RIOK3: variants seen among roughly 807,000 people sequenced by gnomAD.
RIOK3 encodes the protein RIO kinase 3.
A neutral mutation model predicts 63.5 loss-of-function variants in RIOK3; 40 were observed. That is an observed-to-expected ratio of 0.63 (90% CI 0.49 to 0.82). RIOK3 has a LOEUF of 0.82. Among genes scored for constraint, RIOK3 ranks in the 40% least tolerant of loss-of-function variants. The probability of loss-of-function intolerance (pLI) is 0.00; values close to 1 mark genes in which losing one functional copy is unlikely to be tolerated. For missense variants in RIOK3, 557 were observed against 637.0 expected, an observed-to-expected ratio of 0.87 and a Z score of 1.35; for synonymous variants, 193 against 205.0, an observed-to-expected ratio of 0.94 and a Z score of 0.50.
Position 23,477,155 on chromosome 18 carries a change from AGTTCAT to A in RIOK3, c.1255-19_1255-14del. On this transcript the variant is annotated intron_variant, in intron 10 of 12. Coordinates refer to ENST00000339486, the MANE Select transcript of RIOK3 (RefSeq NM_003831.5). Reference sequence around the variant, plus strand: ...GTAAAATTTAAAATGTAAATACATCAGTTCATGTTCTGTATTGAAATAGGTCTGGTT... The same window carrying A: ...GTAAAATTTAAAATGTAAATACATCAGTTCTGTATTGAAATAGGTCTGGTT... 1 of 1,611,980 alleles carries A rather than the reference AGTTCAT, an allele frequency of 6.2e-7. No individual in the cohort carries two copies. The highest frequency in any genetic ancestry group is 8.5e-7 in the Non-Finnish European group (1 of 1,178,004).
chr18:23,474,327 A>G (rs2057475253), intron 8 of RIOK3, among the ~76,000 whole-genome samples: 1 of 152,132 alleles, frequency 6.6e-6, no homozygotes, highest in Non-Finnish European at 1.5e-5. Context: ...TAGGAGTTCA[A>G]AACCAGCCTG....
intron 1 of RIOK3, among the ~76,000 whole-genome samples, chr18:23,460,679 G>A (rs1037822314): frequency 6.6e-6 from 1 of 152,180 alleles, no homozygotes; most frequent in African/African-American, 2.4e-5. Context: ...CTGCCTTTTG[G>A]AACCTGGACT....
chr18:23,468,769 A>C (rs2057427992), intron 7 of RIOK3, among the ~76,000 whole-genome samples: 1 of 152,194 alleles, frequency 6.6e-6, no homozygotes, highest in Non-Finnish European at 1.5e-5. Flanking sequence ...TGTGGTACAT[A>C]ATAAATTGCC....
intron 9 of RIOK3, 30 bp downstream of exon 9, chr18:23,475,137 A>G (rs2057481228): frequency 1.3e-6 from 2 of 1,535,230 alleles, no homozygotes; most frequent in African/African-American, 2.8e-5. Context: ...GAATTCACAC[A>G]CTACCTTTAA....
At chr18:23,468,063 C>T (rs973576218) in intron 7 of RIOK3, among the ~76,000 whole-genome samples, 6 of 152,158 alleles carry the variant, frequency 3.9e-5, no homozygotes, top group Non-Finnish European at 5.9e-5. Context: ...CAGGCGTGAG[C>T]CACTGCTTCC....
rs760617642 is a variant in RIOK3, at chr18:23,453,437, C to A, written c.-3C>A. 9 of 1,613,238 alleles carry A rather than the reference C, an allele frequency of 5.6e-6. No homozygotes were observed. The highest frequency in any genetic ancestry group is 7.6e-6 in the Non-Finnish European group (9 of 1,179,378). On this transcript the variant is annotated 5_prime_UTR_variant, in exon 1 of 13. Coordinates refer to ENST00000339486, the MANE Select transcript of RIOK3 (RefSeq NM_003831.5). ...CTGTTCTTGTCTCTGCCTTCATTCC[C>A]GAATGGATCTGGTAGGAGTGGCATC...
intron 6 of RIOK3, among the ~76,000 whole-genome samples, chr18:23,467,025 A>G (rs2057413324): frequency 6.6e-6 from 1 of 151,878 alleles, no homozygotes. Context: ...AAAAAAAAAA[A>G]AGATATTAGG....
intron 1 of RIOK3, among the ~76,000 whole-genome samples, chr18:23,461,083 T>C (rs565115274): frequency 6.6e-6 from 1 of 152,318 alleles, no homozygotes; most frequent in South Asian, 2.1e-4. Flanking sequence ...ATTTGTCGCC[T>C]TTAGGTGCTC....
intron 7 of RIOK3, among the ~76,000 whole-genome samples, chr18:23,467,970 G>T (rs2057421302): frequency 6.6e-6 from 1 of 151,698 alleles, no homozygotes. Flanking sequence ...TAGAGACAGG[G>T]TTTCGCCATG....
At position 23,453,473 on chromosome 18, in the gene RIOK3, G is replaced by T; in HGVS notation, c.34G>T (p.Gly12Trp). 2 of 1,613,782 alleles carry T rather than the reference G, an allele frequency of 1.2e-6. No individual in the cohort carries two copies. The highest frequency in any genetic ancestry group is 1.7e-6 in the Non-Finnish European group (2 of 1,179,826). ...DLVGVASPEPGTAAAWGPSKC... is the reference protein window; with the variant it reads ...DLVGVASPEPWTAAAWGPSKC... ...GGTAGGAGTGGCATCGCCTGAGCCCGGGACGGCAGCGGCCTGGGGACCCAG... is the reference window on the plus strand; with the variant it reads ...GGTAGGAGTGGCATCGCCTGAGCCCTGGACGGCAGCGGCCTGGGGACCCAG... Residue 12 changes from glycine to tryptophan, a missense_variant, in exon 1 of 13, where the codon GGG becomes TGG. By Grantham distance (184) the Gly-to-Trp change is radical. Around this residue, in one of 3 missense-constraint regions of RIOK3, gnomAD observed 243 missense variants for 275.4 expected, o/e 0.88. Coordinates refer to ENST00000339486, the MANE Select transcript of RIOK3 (RefSeq NM_003831.5).
At chr18:23,456,244 ACTT>A (rs1307361381) in intron 1 of RIOK3, 1 of 152,204 alleles carries the variant, frequency 6.6e-6, no homozygotes, top group Non-Finnish European at 1.5e-5. Flanking sequence ...CCCAGCCCGG[ACTT>A]CTTTATACTC....
chr18:23,482,162 CA>C lies in RIOK3; in HGVS notation c.*884del, dbSNP rs1439030435. The stretch of plus-strand genomic sequence containing the variant: ...TAGAACTGTGTACTTGATTGATTTT[CA>C]GAGAAATATCACAAATTAGAAATAT... On this transcript the variant is annotated 3_prime_UTR_variant, in exon 13 of 13. Coordinates refer to ENST00000339486, the MANE Select transcript of RIOK3 (RefSeq NM_003831.5). The C allele has an allele frequency of 1.3e-5, 2 of 152,066 alleles. No individual in the cohort carries two copies. The highest frequency in any genetic ancestry group is 1.3e-4 in the Admixed American group (2 of 15,246). 9.4% of individuals were successfully genotyped at this position (152,066 alleles called of 1,614,324 possible).
In RIOK3 at chr18:23,482,204, A is replaced by G. The variant is rs1415495339; in HGVS notation, c.*925A>G. On this transcript the variant is annotated 3_prime_UTR_variant, in exon 13 of 13. Transcript: ENST00000339486. ...TTAGAAATATTAAATCTAAGGATGAAAGGTATATATAAAACAATTTGGGGG... is the reference window on the plus strand; with the variant it reads ...TTAGAAATATTAAATCTAAGGATGAGAGGTATATATAAAACAATTTGGGGG... The G allele has an allele frequency of 1.3e-5, 2 of 152,162 alleles. No individual in the cohort carries two copies. Among genetic ancestry groups the G allele is most frequent in the Non-Finnish European group, 2.9e-5 (2 of 68,030 alleles). 9.4% of individuals were successfully genotyped at this position (152,162 alleles called of 1,614,324 possible).
chr18:23,469,430 C>CT (rs2057440454), intron 7 of RIOK3, among the ~76,000 whole-genome samples: 2 of 133,786 alleles, frequency 1.5e-5, no homozygotes, highest in Non-Finnish European at 3.2e-5. Context: ...CTCTCTCTCT[C>CT]CCTCTCCTCT....
intron 7 of RIOK3, among the ~76,000 whole-genome samples, chr18:23,467,808 C>T (rs1257125374): frequency 6.6e-6 from 1 of 151,742 alleles, no homozygotes; most frequent in Non-Finnish European, 1.5e-5. Context: ...TGGAGTTTCA[C>T]TCTTGTTCCC....
chr18:23,469,217 CA>C (rs2057430757), intron 7 of RIOK3, among the ~76,000 whole-genome samples: 1 of 152,106 alleles, frequency 6.6e-6, no homozygotes, highest in Admixed American at 6.6e-5. Flanking sequence ...CACACATGCT[CA>C]AGGGAAGGAG....
At position 23,467,511 on chromosome 18, in the gene RIOK3, A is replaced by G. The variant is rs1393066392; in HGVS notation, c.800A>G (p.His267Arg). 6.2e-7 allele frequency: 1 copy of G among 1,613,280 alleles called. No individual in the cohort carries two copies. ...ISTGKESVVFHAYGGSMEDEK... is the reference protein window; with the variant it reads ...ISTGKESVVFRAYGGSMEDEK... Reference sequence around the variant, plus strand: ...ACAGGAAAGGAGTCTGTTGTCTTTCATGCATATGGAGGGAGGTAAATGAGC... The same window carrying G: ...ACAGGAAAGGAGTCTGTTGTCTTTCGTGCATATGGAGGGAGGTAAATGAGC... The change falls in exon 7 of 13, where the codon CAT becomes CGT. Residue 267 changes from histidine (H) to arginine (R), a missense_variant. Physicochemically the swap from His to Arg is conservative, Grantham distance 29. Transcript: ENST00000339486.
chr18:23,477,686 C>G (rs1320567129), intron 11 of RIOK3, among the ~76,000 whole-genome samples: 2 of 150,914 alleles, frequency 1.3e-5, no homozygotes, highest in African/African-American at 2.4e-5. Flanking sequence ...TCACTTGAAC[C>G]TGGGAGGCAG....
chr18:23,467,344 G>A (rs910856469), intron 6 of RIOK3, 55 bp from the exon 7 acceptor site: 16 of 1,554,886 alleles, frequency 1.0e-5, no homozygotes, highest in African/African-American at 2.8e-5. Flanking sequence ...AAGTGGCTCA[G>A]AAAATATTTT....
Sources: allele counts gnomAD v4.1 joint callset (sites outside exome capture counted in the v4.1 genomes callset), GRCh38; gene constraint gnomAD v4.1.1; regional missense constraint gnomAD v4.1.1; transcripts MANE v1.5; gene names NCBI Gene and HGNC (gene_info 2026-07-23, HGNC 2026-07-21).